TRIO: variants seen among roughly 807,000 people sequenced by gnomAD.
TRIO encodes trio Rho guanine nucleotide exchange factor, also known as triple functional domain protein.
In TRIO, 58 loss-of-function variants were observed where a neutral mutation model predicts 351.9. The ratio of observed to expected loss-of-function variants is 0.16; its 90% confidence interval spans 0.13 to 0.21. The LOEUF is 0.21. TRIO is among the 10% of genes least tolerant of loss of function. TRIO has a pLI of 1.00. For missense variants in TRIO, 3,201 were observed against 4,027.8 expected (o/e 0.79, Z 5.56); for synonymous variants, 1,758 against 1,595.7 (o/e 1.10, Z -2.42).
At chr5:14,203,416 A>C (rs573420623) in intron 1 of TRIO, among the ~76,000 whole-genome samples, 1 of 152,318 alleles carries the variant, frequency 6.6e-6, no homozygotes, top group East Asian at 1.9e-4. Flanking sequence ...CATCATCATC[A>C]TTCTCACAGT....
At chr5:14,500,888 C>CAAAAAAAAAAAAAAAAA (rs34729667) in intron 53 of TRIO, among the ~76,000 whole-genome samples, 1 of 63,572 alleles carries the variant, frequency 1.6e-5, no homozygotes, top group Non-Finnish European at 2.8e-5. Context: ...GACTCTGCCT[C>CAAAAAAAAAAAAAAAAA]AAAAAAAAAA....
intron 1 of TRIO, among the ~76,000 whole-genome samples, chr5:14,159,035 T>A (rs1484768637): frequency 6.6e-6 from 1 of 152,104 alleles, no homozygotes; most frequent in Non-Finnish European, 1.5e-5. Context: ...CCAGCTCAGG[T>A]GGCTATAGGG....
chr5:14,445,812 T>C (rs1229694767), intron 34 of TRIO, among the ~76,000 whole-genome samples: 2 of 152,226 alleles, frequency 1.3e-5, no homozygotes, highest in African/African-American at 2.4e-5. Context: ...AGTAAGGAAC[T>C]CTTCCATAAT....
At chr5:14,415,326 C>G (rs999152104) in intron 33 of TRIO, among the ~76,000 whole-genome samples, 3 of 152,150 alleles carry the variant, frequency 2.0e-5, no homozygotes, top group Admixed American at 2.0e-4. Flanking sequence ...TCCGAGAGAG[C>G]CCCCTCTTCC....
rs568466964 is a variant in TRIO at position 14,321,953 on chromosome 5, T to C, written c.1731+5210T>C. Among the ~76,000 whole-genome samples the C allele has an allele frequency of 2.0e-5, 3 of 152,350 alleles. No individual in the cohort carries two copies. In the East Asian group the frequency reaches 5.8e-4, roughly 29 times the overall value. On this transcript the variant is annotated intron_variant, in intron 9 of 56. Transcript: ENST00000344204. ...TTCCACCATGATTGTTAGGCCTCCCTAGCCATGCTGATCTGTGACTCCATT... is the reference window on the plus strand; with the variant it reads ...TTCCACCATGATTGTTAGGCCTCCCCAGCCATGCTGATCTGTGACTCCATT...
At chr5:14,400,546 C>G (rs1333882013) in intron 30 of TRIO, among the ~76,000 whole-genome samples, 1 of 152,166 alleles carries the variant, frequency 6.6e-6, no homozygotes, top group African/African-American at 2.4e-5. Context: ...GTTAAAACAT[C>G]ATTTGCCCTC....
intron 53 of TRIO, chr5:14,498,967 C>T (rs1423541131): frequency 3.6e-6 from 1 of 281,538 alleles, no homozygotes; most frequent in Non-Finnish European, 6.9e-6. Context: ...TGAGTTGGAG[C>T]AGGGTGCTTT....
intron 7 of TRIO, among the ~76,000 whole-genome samples, chr5:14,297,697 C>T (rs777669440): frequency 6.6e-6 from 1 of 152,168 alleles, no homozygotes; most frequent in African/African-American, 2.4e-5. Context: ...AACGCCCATC[C>T]GTGGTGCAGA....
At chr5:14,293,217 C>T in intron 6 of TRIO, 83 bp downstream of exon 6, 1 of 1,585,988 alleles carries the variant, frequency 6.3e-7, no homozygotes, top group Non-Finnish European at 8.6e-7. Context: ...TATGCTAGGG[C>T]TTTCAAGGGG....
rs1350703833 is a variant in TRIO, at chr5:14,487,922, G to T, written c.7294G>T (p.Ala2432Ser). ...GAACGCCTCGGGGTCGAGCCCAGAC[G>T]CCCCCGCCAAGGACGCGCGCGCTAG... ...AANASGSSPD[A>S]PAKDARASLG... Residue 2432 changes from alanine (A) to serine (S), a missense_variant, in exon 48 of 57, where the codon GCC becomes TCC. By Grantham distance (99) the Ala-to-Ser change is moderately conservative (BLOSUM62 1). This residue lies in a region of TRIO where 1,089 missense variants were observed against 954.9 expected (regional missense o/e 1.14). Transcript: ENST00000344204. 1 of 1,538,032 alleles carries T rather than the reference G, an allele frequency of 6.5e-7. No homozygotes were observed. The highest frequency in any genetic ancestry group is 1.4e-5 in the African/African-American group (1 of 72,280).
Position 14,293,016 on chromosome 5 carries a change from TTGAC to T in TRIO, c.1061_1064del (p.Asp354GlyfsTer10). The T allele has an allele frequency of 6.2e-7, 1 of 1,614,112 alleles. No homozygotes were observed. The highest frequency in any genetic ancestry group is 2.2e-5 in the East Asian group (1 of 44,880). The stretch of plus-strand genomic sequence containing the variant: ...TTGTCTTTTTCCTTCCGGTAGATGT[TTGAC>T]TGGATCACACACAACAAAGGCCTGT... On this transcript the variant is annotated frameshift_variant, in exon 6 of 57. Transcript: ENST00000344204. LOFTEE classifies it high-confidence loss of function.
intron 55 of TRIO, among the ~76,000 whole-genome samples, chr5:14,505,392 T>C (rs1561573248): frequency 6.6e-6 from 1 of 152,214 alleles, no homozygotes; most frequent in Non-Finnish European, 1.5e-5. Context: ...TCCTCCTTTT[T>C]AGGGGGAGTC....
intron 34 of TRIO, among the ~76,000 whole-genome samples, chr5:14,455,596 G>A (rs139973754): frequency 0.021 from 3,178 of 152,032 alleles, 117 homozygotes; most frequent in African/African-American, 0.073. Flanking sequence ...GTGCTGATTG[G>A]TGCATTTACA....
Position 14,497,064 on chromosome 5 carries a change from A to G in TRIO, c.8019+47A>G. 1 of 1,606,806 alleles carries G rather than the reference A, an allele frequency of 6.2e-7. No individual in the cohort carries two copies. Among genetic ancestry groups the G allele is most frequent in the Non-Finnish European group, 8.5e-7 (1 of 1,175,926 alleles). ...AGTCCGTGTCATCCCAGCATGAGAG[A>G]AAGGATCAGGGAGGGCAGAGACTCT... On this transcript the variant is annotated intron_variant, in intron 50 of 56. Transcript: ENST00000344204. This position sits in a 1 kb window ranked among gnomAD's most constrained non-coding sequence, Gnocchi z 4.4.
intron 53 of TRIO, among the ~76,000 whole-genome samples, chr5:14,501,953 G>A (rs1447730618): frequency 6.6e-6 from 1 of 152,196 alleles, no homozygotes; most frequent in Non-Finnish European, 1.5e-5. Flanking sequence ...ACTCTTGAAA[G>A]GATGCTTTCT....
chr5:14,448,844 G>C (rs1456902891), intron 34 of TRIO, among the ~76,000 whole-genome samples: 4 of 152,104 alleles, frequency 2.6e-5, no homozygotes, highest in Admixed American at 6.5e-5. Flanking sequence ...TCCCCTCCCA[G>C]TAATCACTGG....
At chr5:14,380,213 A>T (rs764712235) in intron 20 of TRIO, among the ~76,000 whole-genome samples, 1 of 151,930 alleles carries the variant, frequency 6.6e-6, no homozygotes. Flanking sequence ...CTCTTGTCTT[A>T]CGTGTTGTTA....
Position 14,286,809 on chromosome 5 carries a change from T to C in TRIO, c.348-62T>C. On this transcript the variant is annotated intron_variant, in intron 3 of 56. Transcript: ENST00000344204. The surrounding 1 kb of genome is among the most constrained non-coding windows in gnomAD (Gnocchi z 4.4). ...CTGGGTCTGTGGCACCCAGTGGGAC[T>C]CTGACCAGGCAGAGTGGCAAGAGAT... 9.0e-6 allele frequency: 14 copies of C among 1,553,166 alleles called. No individual in the cohort carries two copies. The highest frequency in any genetic ancestry group is 1.1e-5 in the Non-Finnish European group (13 of 1,148,130).
intron 1 of TRIO, among the ~76,000 whole-genome samples, chr5:14,180,845 C>T (rs1191950577): frequency 3.5e-5 from 4 of 113,938 alleles, no homozygotes; most frequent in Non-Finnish European, 6.5e-5. Context: ...CCAGTGCCCC[C>T]ACAAAAAAAA....
Sources: allele counts gnomAD v4.1 joint callset (sites outside exome capture counted in the v4.1 genomes callset), GRCh38; gene constraint gnomAD v4.1.1; regional missense constraint gnomAD v4.1.1; non-coding constraint Gnocchi (gnomAD v3.1); transcripts MANE v1.5; gene names NCBI Gene and HGNC (gene_info 2026-07-23, HGNC 2026-07-21).